The following KRT8 variants were observed in gnomAD, a reference collection of about 807,000 sequenced individuals.
The protein encoded by KRT8 is keratin, type II cytoskeletal 8.
A neutral mutation model predicts 43.0 loss-of-function variants in KRT8; 24 were observed. That is an observed-to-expected ratio of 0.56 (90% CI 0.40 to 0.78). KRT8 has a LOEUF of 0.78. Ranked by LOEUF, KRT8 falls within the 30% of genes least tolerant of loss-of-function variation. The pLI, the probability that KRT8 is intolerant of heterozygous loss-of-function variation, is 0.00. For missense variants in KRT8, 492 were observed against 638.4 expected (o/e 0.77, Z 2.47); for synonymous variants, 214 against 261.2 (o/e 0.82, Z 1.74).
chr12:52,926,655 C>T (rs954277940), intron 2 of KRT8, among the ~76,000 whole-genome samples: 1 of 152,168 alleles, frequency 6.6e-6, no homozygotes, highest in Non-Finnish European at 1.5e-5. Flanking sequence ...TTAGCATGCA[C>T]TGAACATCCA....
At chr12:52,906,391 C>G (rs933127913), upstream of KRT8, 3 of 266,876 alleles carry the variant, frequency 1.1e-5, no homozygotes, top group Non-Finnish European at 2.2e-5. Context: ...GTGTGGCACT[C>G]GTGGTGCTAC....
chr12:52,904,979 C>T, exon 1 of KRT8: 2 of 1,608,516 alleles, frequency 1.2e-6, no homozygotes, highest in East Asian at 2.2e-5. Flanking sequence ...CCCTGATGGA[C>T]ATGGTAGAGG....
chr12:52,938,051 G>C (rs1259034030), intron 2 of KRT8, among the ~76,000 whole-genome samples: 1 of 134,350 alleles, frequency 7.4e-6, no homozygotes, highest in African/African-American at 2.7e-5. Context: ...TGGTAAATAA[G>C]CACATGAAAA....
At chr12:52,947,228 C>T (rs892387144) in intron 2 of KRT8, 1 of 152,304 alleles carries the variant, frequency 6.6e-6, no homozygotes, top group African/African-American at 2.4e-5. Flanking sequence ...GCATGAAAGC[C>T]TCCCTACCTC....
intron 2 of KRT8, among the ~76,000 whole-genome samples, chr12:52,917,719 A>G (rs934434176): frequency 2.0e-5 from 3 of 151,598 alleles, no homozygotes; most frequent in African/African-American, 7.3e-5. Context: ...AAAAAAAAAA[A>G]AAAAAAAAAA....
intron 2 of KRT8, among the ~76,000 whole-genome samples, chr12:52,923,748 T>C (rs1013900824): frequency 1.1e-4 from 17 of 152,048 alleles, no homozygotes; most frequent in African/African-American, 4.1e-4. Context: ...ATTATTAATT[T>C]TTGAAATTAT....
intron 2 of KRT8, among the ~76,000 whole-genome samples, chr12:52,940,788 G>A (rs1031787464): frequency 3.3e-5 from 5 of 150,900 alleles, no homozygotes; most frequent in East Asian, 4.0e-4. Context: ...CCCATGCCCC[G>A]CTAATTTTTT....
intron 2 of KRT8, among the ~76,000 whole-genome samples, chr12:52,922,857 T>C (rs1490438374): frequency 6.6e-6 from 1 of 152,174 alleles, no homozygotes; most frequent in Non-Finnish European, 1.5e-5. Context: ...GTCCCCTGGA[T>C]CTAGGCAGAC....
chr12:52,935,459 G>A lies in KRT8; in HGVS notation c.-47+13997C>T, dbSNP rs192443920. On this transcript the variant is annotated intron_variant, in intron 2 of 6. Transcript: ENST00000546826. ...TGTAATCCCAGCACTCTGGGAGGCCGAGGCGGGTGTATCACGAGGTCAGGA... is the reference window on the plus strand; with the variant it reads ...TGTAATCCCAGCACTCTGGGAGGCCAAGGCGGGTGTATCACGAGGTCAGGA... Among the ~76,000 whole-genome samples, 603 of 141,614 alleles carry A rather than the reference G, an allele frequency of 4.3e-3. 16 individuals are homozygous for A. Among genetic ancestry groups the A allele is most frequent in the Admixed American group, 0.038 (511 of 13,312 alleles). 92.9% of individuals were successfully genotyped at this position (141,614 alleles called of 152,430 possible). A position where few individuals can be genotyped will look rare whatever the true frequency, so the allele number is the denominator to read the frequency against.
chr12:52,944,790 G>A (rs1211773303), intron 2 of KRT8, among the ~76,000 whole-genome samples: 1 of 152,192 alleles, frequency 6.6e-6, no homozygotes, highest in Non-Finnish European at 1.5e-5. Flanking sequence ...TCCCACCCCT[G>A]GGGAAGAGGG....
rs975871423 is a variant in KRT8 at position 52,948,713 on chromosome 12, A to C, written c.-47+743T>G. On this transcript the variant is annotated intron_variant, in intron 2 of 6. Transcript: ENST00000546826. ...CACCATGTTGGCTAGGATGGTCTCG[A>C]TCTCCTGACCTCGTGATCCGCCCAC... is the stretch of plus-strand genomic sequence containing the variant. 17 of 391,234 alleles carry C rather than the reference A, an allele frequency of 4.3e-5. No homozygotes were observed. The Admixed American group carries it at 5.4e-4, about 12-fold the overall frequency. 24.2% of individuals were successfully genotyped at this position (391,234 alleles called of 1,614,324 possible).
At chr12:52,939,244 G>A (rs746765545) in intron 2 of KRT8, among the ~76,000 whole-genome samples, 3 of 150,840 alleles carry the variant, frequency 2.0e-5, no homozygotes, top group Non-Finnish European at 4.4e-5. Flanking sequence ...GGTGGTTCAC[G>A]CCTGTACTCC....
chr12:52,924,341 A>C (rs1008626477), intron 2 of KRT8, among the ~76,000 whole-genome samples: 13 of 151,382 alleles, frequency 8.6e-5, no homozygotes, highest in Admixed American at 7.9e-4. Flanking sequence ...CCCAGCTACT[A>C]GGGAGGCTGA....
intron 2 of KRT8, among the ~76,000 whole-genome samples, chr12:52,917,860 C>A (rs1370358959): frequency 2.0e-5 from 3 of 147,764 alleles, no homozygotes; most frequent in Non-Finnish European, 4.5e-5. Flanking sequence ...GCCTGGATGA[C>A]AAAGCAAGAC....
At chr12:52,903,211 C>T (rs1425319853) in intron 1 of KRT8, among the ~76,000 whole-genome samples, 3 of 152,166 alleles carry the variant, frequency 2.0e-5, no homozygotes, top group Non-Finnish European at 2.9e-5. Flanking sequence ...GAACTCTTTA[C>T]ATATGTAAGT....
At chr12:52,901,158 CCTT>C in exon 3 of KRT8, 2 of 1,602,864 alleles carry the variant, frequency 1.2e-6, no homozygotes, top group Non-Finnish European at 1.7e-6. Flanking sequence ...GACTCCCTCA[CCTT>C]CTTGATGAGG....
Position 52,900,641 on chromosome 12 carries a change from G to GA in KRT8, c.636dup (p.Arg213SerfsTer17). ...ATCTCGTCGGTCAGCCCTTCCAGGCGAGACTCCAGCTCTACCTTGTTCATG... is the reference window on the plus strand; with the variant it reads ...ATCTCGTCGGTCAGCCCTTCCAGGCGAAGACTCCAGCTCTACCTTGTTCATG... On this transcript the variant is annotated frameshift_variant, in exon 4 of 8. Transcript: ENST00000692008. LOFTEE classifies it high-confidence loss of function. 1 of 1,613,396 alleles carries GA rather than the reference G, an allele frequency of 6.2e-7. No homozygotes were observed. The highest frequency in any genetic ancestry group is 8.5e-7 in the Non-Finnish European group (1 of 1,179,774).
At chr12:52,918,566 A>C (rs890412277) in intron 2 of KRT8, among the ~76,000 whole-genome samples, 92 of 152,294 alleles carry the variant, frequency 6.0e-4, no homozygotes, top group African/African-American at 2.1e-3. Flanking sequence ...GTGTGACCAA[A>C]ACCCAAAGGA....
At position 52,898,759 on chromosome 12, in the gene KRT8, G is replaced by C; in HGVS notation, c.1122C>G (p.Tyr374Ter). 1 of 1,614,226 alleles carries C rather than the reference G, an allele frequency of 6.2e-7. No homozygotes were observed. The highest frequency in any genetic ancestry group is 1.1e-5 in the South Asian group (1 of 91,088). ...CCAGCTTGACGTTCATCAGCTCCTG[G>C]TACTCACGCAGCTGCCGCGCCATGT... The change falls in exon 6 of 8, where the codon TAC (tyrosine) becomes TAG (stop). Residue 374 changes from tyrosine (Y) to a stop codon, truncating the protein, a stop_gained. Transcript: ENST00000692008. LOFTEE classifies it high-confidence loss of function.
Sources: gnomAD v4.1 joint callset for allele counts (sites outside exome capture counted in the v4.1 genomes callset) on GRCh38, gnomAD v4.1.1 for gene constraint, MANE v1.5 for transcripts, NCBI Gene and HGNC (gene_info 2026-07-23, HGNC 2026-07-21) for gene names.